The following IGSF21 variants were observed in gnomAD, a reference collection of about 807,000 sequenced individuals.
IGSF21 encodes immunoglobin superfamily member 21, also known as immunoglobulin superfamily member 21.
IGSF21 carries 28 observed loss-of-function variants against 46.8 expected under a neutral mutation model. The ratio of observed to expected loss-of-function variants is 0.60; its 90% CI spans 0.44 to 0.82. The LOEUF is 0.82. Ranked by LOEUF, IGSF21 falls within the 40% of genes least tolerant of loss-of-function variation. The pLI is 0.00. For missense variants in IGSF21, 624 were observed against 665.5 expected (o/e 0.94, Z 0.69); for synonymous variants, 284 against 273.6 (o/e 1.04, Z -0.38).
intron 1 of IGSF21, among the ~76,000 whole-genome samples, chr1:18,194,698 AT>A (rs1553153164): frequency 1.1e-4 from 16 of 152,280 alleles, no homozygotes; most frequent in Non-Finnish European, 1.5e-5. Flanking sequence ...GCAAAGACCT[AT>A]TTCCAAATAA....
intron 3 of IGSF21, among the ~76,000 whole-genome samples, chr1:18,311,864 G>T (rs223206): frequency 1.9e-4 from 29 of 152,202 alleles, no homozygotes; most frequent in African/African-American, 7.0e-4. Context: ...ATTTCCCACC[G>T]GGCCCCTCCC....
At chr1:18,148,827 G>A (rs775348771) in intron 1 of IGSF21, among the ~76,000 whole-genome samples, 1 of 152,204 alleles carries the variant, frequency 6.6e-6, no homozygotes, top group Non-Finnish European at 1.5e-5. Flanking sequence ...AAACAAGCCT[G>A]TATAATTCAA....
intron 2 of IGSF21, among the ~76,000 whole-genome samples, chr1:18,256,095 C>G (rs2084889814): frequency 6.6e-6 from 1 of 152,214 alleles, no homozygotes; most frequent in South Asian, 2.1e-4. Flanking sequence ...CCAGGCCCTC[C>G]CACCTGATGG....
intron 3 of IGSF21, among the ~76,000 whole-genome samples, chr1:18,309,946 C>T (rs1569782546): frequency 1.3e-5 from 2 of 152,270 alleles, no homozygotes; most frequent in Non-Finnish European, 2.9e-5. Context: ...CCGACGAGGC[C>T]CTGGGGGGTG....
chr1:18,288,742 CGA>C (rs2085239198), intron 2 of IGSF21, among the ~76,000 whole-genome samples: 1 of 152,174 alleles, frequency 6.6e-6, no homozygotes, highest in South Asian at 2.1e-4. Context: ...CTTTGCCTTC[CGA>C]GAGGCTGAGG....
At chr1:18,117,909 C>G (rs967542383) in intron 1 of IGSF21, among the ~76,000 whole-genome samples, 75 of 152,202 alleles carry the variant, frequency 4.9e-4, no homozygotes, top group African/African-American at 1.7e-3. Flanking sequence ...GTTGCATGCA[C>G]TGAGCATGAT....
intron 2 of IGSF21, among the ~76,000 whole-genome samples, chr1:18,237,817 C>T (rs2084687235): frequency 6.6e-6 from 1 of 152,158 alleles, no homozygotes; most frequent in African/African-American, 2.4e-5. Flanking sequence ...CTGGTAGCAG[C>T]CTTGCACTCC....
chr1:18,161,773 A>C (rs1374944317), intron 1 of IGSF21, among the ~76,000 whole-genome samples: 2 of 152,174 alleles, frequency 1.3e-5, no homozygotes, highest in Non-Finnish European at 2.9e-5. Context: ...CCAAATATTT[A>C]TGAAGCATTT....
intron 2 of IGSF21, among the ~76,000 whole-genome samples, chr1:18,286,832 C>T (rs1375008571): frequency 6.6e-6 from 1 of 152,190 alleles, no homozygotes; most frequent in Admixed American, 6.5e-5. Flanking sequence ...AGATATTTAT[C>T]GAGCGAGTGC....
intron 1 of IGSF21, among the ~76,000 whole-genome samples, chr1:18,178,411 C>T (rs1038934252): frequency 6.6e-6 from 1 of 150,812 alleles, no homozygotes; most frequent in African/African-American, 2.4e-5. Flanking sequence ...CACCTCTTAC[C>T]ATAATAACCA....
At chr1:18,243,574 C>A (rs1380131602) in intron 2 of IGSF21, among the ~76,000 whole-genome samples, 1 of 152,150 alleles carries the variant, frequency 6.6e-6, no homozygotes, top group Non-Finnish European at 1.5e-5. Context: ...GCCAGAGTGA[C>A]CTTTTGAAAT....
intron 6 of IGSF21, among the ~76,000 whole-genome samples, chr1:18,374,622 A>T (rs1368389247): frequency 6.6e-6 from 1 of 152,082 alleles, no homozygotes; most frequent in Admixed American, 6.5e-5. Flanking sequence ...CTTCCCACGG[A>T]TGCTTCCCTA....
intron 2 of IGSF21, among the ~76,000 whole-genome samples, chr1:18,283,157 G>A (rs570545467): frequency 8.5e-5 from 13 of 152,296 alleles, no homozygotes; most frequent in African/African-American, 3.1e-4. Flanking sequence ...CCAGCCCCCA[G>A]GCCCATCTCT....
intron 4 of IGSF21, among the ~76,000 whole-genome samples, chr1:18,355,378 C>T (rs1390468936): frequency 1.3e-5 from 2 of 152,188 alleles, no homozygotes; most frequent in Non-Finnish European, 2.9e-5. Context: ...GGCAATATTT[C>T]GGAGTTAATT....
intron 2 of IGSF21, among the ~76,000 whole-genome samples, chr1:18,261,756 C>G (rs998340370): frequency 6.6e-6 from 1 of 152,160 alleles, no homozygotes; most frequent in Non-Finnish European, 1.5e-5. Context: ...CTTGAAGATG[C>G]CAGAGGAAGT....
intron 1 of IGSF21, among the ~76,000 whole-genome samples, chr1:18,127,464 C>T (rs958804589): frequency 6.6e-6 from 1 of 152,034 alleles, no homozygotes; most frequent in South Asian, 2.1e-4. Flanking sequence ...AGCAGTCCTC[C>T]TCCGGACAGT....
At position 18,365,715 on chromosome 1, in the gene IGSF21, C is replaced by A. The variant is rs749837845; in HGVS notation, c.1015+18C>A. Reference sequence around the variant, plus strand: ...CACGCTGGGTAAGACTTGGTGGGGGCCCTTCTGTAGAGCCCTTGCAGACCT... The same window carrying A: ...CACGCTGGGTAAGACTTGGTGGGGGACCTTCTGTAGAGCCCTTGCAGACCT... On this transcript the variant is annotated intron_variant, in intron 6 of 9. Transcript: ENST00000251296. The surrounding 1 kb of genome is among the most constrained non-coding windows in gnomAD (Gnocchi z 4.8). 4 of 1,592,476 alleles carry A rather than the reference C, an allele frequency of 2.5e-6. No individual in the cohort carries two copies. The highest frequency in any genetic ancestry group is 2.2e-5 in the East Asian group (1 of 44,598).
chr1:18,206,664 C>T (rs752877353), intron 1 of IGSF21, among the ~76,000 whole-genome samples: 1 of 151,844 alleles, frequency 6.6e-6, no homozygotes, highest in Non-Finnish European at 1.5e-5. Flanking sequence ...GTAGCTGGAG[C>T]AGAGTGGGCC....
chr1:18,376,890 G>A lies in IGSF21; in HGVS notation c.1192G>A (p.Val398Met). 1 of 1,613,034 alleles carries A rather than the reference G, an allele frequency of 6.2e-7. No individual in the cohort carries two copies. Among genetic ancestry groups the A allele is most frequent in the Non-Finnish European group, 8.5e-7 (1 of 1,179,100 alleles). ...CGCTGAGTTCGACGGGAAGGAGCTG[G>A]TGCTGGAGCGGGTTCCCGCCGAGCT... ...GSAEFDGKEL[V>M]LERVPAELNG... Residue 398 changes from valine (V) to methionine (M), a missense_variant, in exon 8 of 10, where the codon GTG becomes ATG. Physicochemically the swap from Val to Met is conservative, Grantham distance 21. Transcript: ENST00000251296.
Sources: gnomAD v4.1 joint callset for allele counts (sites outside exome capture counted in the v4.1 genomes callset) on GRCh38, gnomAD v4.1.1 for gene constraint, Gnocchi (gnomAD v3.1) non-coding constraint, MANE v1.5 for transcripts, NCBI Gene and HGNC (gene_info 2026-07-23, HGNC 2026-07-21) for gene names.